PLAC8L1: variants seen among roughly 807,000 people sequenced by gnomAD.
PLAC8L1 encodes the protein PLAC8-like protein 1.
A neutral mutation model predicts 16.3 loss-of-function variants in PLAC8L1; 13 were observed. The ratio of observed to expected loss-of-function variants is 0.80; its 90% CI spans 0.52 to 1.27. PLAC8L1 has a LOEUF of 1.27. Among genes scored for constraint, PLAC8L1 ranks in the 50% most tolerant of loss-of-function variants. The pLI, the probability that PLAC8L1 is intolerant of heterozygous loss-of-function variation, is 0.00. For missense variants in PLAC8L1, 184 were observed against 220.2 expected (o/e 0.84, Z 1.04); for synonymous variants, 78 against 79.3 (o/e 0.98, Z 0.09).
At chr5:146,086,024 CTTTTT>C (rs58130114) in intron 2 of PLAC8L1, among the ~76,000 whole-genome samples, 23 of 90,390 alleles carry the variant, frequency 2.5e-4, no homozygotes, top group African/African-American at 1.1e-3. Flanking sequence ...ATTGAAAGGT[CTTTTT>C]TTTTTTTTTT....
Position 146,104,350 on chromosome 5 carries a change from T to G in PLAC8L1, c.-39A>C. 1 of 1,500,460 alleles carries G rather than the reference T, an allele frequency of 6.7e-7. No individual in the cohort carries two copies. The highest frequency in any genetic ancestry group is 1.7e-4 in the Middle Eastern group (1 of 5,850). 92.9% of individuals were successfully genotyped at this position (1,500,460 alleles called of 1,614,324 possible). Reference sequence around the variant, plus strand: ...TTCTTGTCCTTTGGGCTATCCTTTTTCCCTTTGGCAATAAGCTGGTTTCTA... The same window carrying G: ...TTCTTGTCCTTTGGGCTATCCTTTTGCCCTTTGGCAATAAGCTGGTTTCTA... On this transcript the variant is annotated 5_prime_UTR_variant, in exon 1 of 4. Coordinates refer to ENST00000311450, the MANE Select transcript of PLAC8L1 (RefSeq NM_001029869.3).
chr5:146,101,161 C>A (rs1278093320), intron 1 of PLAC8L1, among the ~76,000 whole-genome samples: 1 of 138,226 alleles, frequency 7.2e-6, no homozygotes, highest in South Asian at 2.2e-4. Flanking sequence ...TGCACCACTG[C>A]ATTCCAGCCT....
In PLAC8L1 at chr5:146,084,363, A is replaced by T; in HGVS notation, c.*69T>A. 2 of 1,541,336 alleles carry T rather than the reference A, an allele frequency of 1.3e-6. No individual in the cohort carries two copies. Among genetic ancestry groups the T allele is most frequent in the Non-Finnish European group, 1.8e-6 (2 of 1,134,122 alleles). ...ACCATTTCAGTAAAAACTTAGGAAA[A>T]AGCAATTGTTCCACTGAGAGGTTTG... On this transcript the variant is annotated 3_prime_UTR_variant, in exon 4 of 4. Coordinates refer to ENST00000311450, the MANE Select transcript of PLAC8L1 (RefSeq NM_001029869.3).
chr5:146,104,371 T>C lies in PLAC8L1; in HGVS notation c.-60A>G, dbSNP rs1763875408. The C allele has an allele frequency of 7.4e-7, 1 of 1,349,216 alleles. No individual in the cohort carries two copies. Among genetic ancestry groups the C allele is most frequent in the Non-Finnish European group, 1.1e-6 (1 of 942,422 alleles). 83.6% of individuals were successfully genotyped at this position (1,349,216 alleles called of 1,614,324 possible). On this transcript the variant is annotated 5_prime_UTR_variant, in exon 1 of 4. Transcript: ENST00000311450. ...TTTTTCCCTTTGGCAATAAGCTGGT[T>C]TCTAAACTTCGGATTAGTCCAAAGT...
intron 2 of PLAC8L1, among the ~76,000 whole-genome samples, chr5:146,093,437 G>C (rs1763655945): frequency 6.6e-6 from 1 of 152,204 alleles, no homozygotes; most frequent in Non-Finnish European, 1.5e-5. Context: ...GAAGTGCTCA[G>C]AAAGTCGAGG....
intron 2 of PLAC8L1, among the ~76,000 whole-genome samples, chr5:146,090,106 AT>A (rs1763587177): frequency 6.6e-6 from 1 of 152,202 alleles, no homozygotes; most frequent in Non-Finnish European, 1.5e-5. Flanking sequence ...GCAGTGGGAT[AT>A]GGAAACACTG....
At chr5:146,091,901 T>G (rs576101235) in intron 2 of PLAC8L1, among the ~76,000 whole-genome samples, 48 of 152,156 alleles carry the variant, frequency 3.2e-4, no homozygotes, top group African/African-American at 1.1e-3. Context: ...GAAAAAAAAT[T>G]TTGTCTTTTT....
chr5:146,091,366 C>G (rs1394375830), intron 2 of PLAC8L1, among the ~76,000 whole-genome samples: 2 of 152,120 alleles, frequency 1.3e-5, no homozygotes, highest in African/African-American at 4.8e-5. Flanking sequence ...TATAACTATA[C>G]ATACTGTGGA....
rs528526210 is a variant in PLAC8L1 at position 146,098,133 on chromosome 5, T to G, written c.256+23A>C. On this transcript the variant is annotated intron_variant, in intron 2 of 3. Transcript: ENST00000311450. Reference sequence around the variant, plus strand: ...GGAAAAGAAAATAGTAAGGAGGAACTTAAATAAGGAGGAAAAACTTACAAA... The same window carrying G: ...GGAAAAGAAAATAGTAAGGAGGAACGTAAATAAGGAGGAAAAACTTACAAA... The G allele has an allele frequency of 1.7e-5, 27 of 1,599,564 alleles. No homozygotes were observed. The South Asian group carries it at 2.9e-4, about 17-fold the overall frequency.
chr5:146,100,627 T>TTA (rs1763798349), intron 1 of PLAC8L1, among the ~76,000 whole-genome samples: 1 of 151,986 alleles, frequency 6.6e-6, no homozygotes, highest in Admixed American at 6.6e-5. Flanking sequence ...CATAAATGAG[T>TTA]TATTCATAGT....
intron 1 of PLAC8L1, among the ~76,000 whole-genome samples, chr5:146,102,255 C>T (rs143354098): frequency 4.0e-5 from 6 of 151,866 alleles, no homozygotes; most frequent in Non-Finnish European, 2.9e-5. Context: ...ATAGGGGTCT[C>T]GCTTTATTGC....
intron 2 of PLAC8L1, among the ~76,000 whole-genome samples, chr5:146,096,061 G>C (rs181318444): frequency 6.6e-6 from 1 of 152,304 alleles, no homozygotes; most frequent in Non-Finnish European, 1.5e-5. Flanking sequence ...GAATTCTGGA[G>C]GTTAGAGGTG....
rs12187913 is a variant in PLAC8L1 at position 146,104,281 on chromosome 5, A to T, written c.31T>A (p.Cys11Ser). The T allele has an allele frequency of 0.27, 442,102 of 1,611,712 alleles. 64,747 individuals are homozygous for T. Among genetic ancestry groups the T allele is most frequent in the Admixed American group, 0.42 (24,979 of 59,976 alleles). ...TTGAGTAAGGAAAGATCCTCAGGAC[A>T]CCTGAAGAAGTTACTTCCAAACCAA... MNWFGSNFFR[C>S]PEDLSLLNIY... The change falls in exon 1 of 4, where the codon TGT becomes AGT. Residue 11 changes from cysteine to serine, a missense_variant. Physicochemically the swap from Cys to Ser is moderately radical, Grantham distance 112. Transcript: ENST00000311450.
rs1189682335 is a variant in PLAC8L1 at position 146,084,444 on chromosome 5, G to A, written c.522C>T (p.Asp174=). The A allele has an allele frequency of 1.2e-6, 2 of 1,614,104 alleles. No individual in the cohort carries two copies. The highest frequency in any genetic ancestry group is 1.1e-5 in the South Asian group (1 of 91,066). Residue 174 remains aspartate, a synonymous_variant, in exon 4 of 4, where the codon GAC becomes GAT. Coordinates refer to ENST00000311450, the MANE Select transcript of PLAC8L1 (RefSeq NM_001029869.3). ...YEICAVPMTK[D]TLV is the part of the protein sequence containing the mutation. ...AGTTATCTTGCTGTCAAACCAGGGT[G>A]TCCTTAGTCATTGGGACTGCACAGA...
intron 2 of PLAC8L1, among the ~76,000 whole-genome samples, chr5:146,097,605 C>G (rs1763739842): frequency 6.6e-6 from 1 of 152,176 alleles, no homozygotes; most frequent in Non-Finnish European, 1.5e-5. Context: ...ATCTTTTCAT[C>G]TCATTAAATA....
At position 146,104,792 on chromosome 5, in the gene PLAC8L1, G is replaced by A. The variant is rs1763884922; in HGVS notation, c.-481C>T. ...AACCCAAAAGCAGGAGCAAAAAAAA[G>A]TCTTTCAGCGCAGGTATTGTATTTG... On this transcript the variant is annotated 5_prime_UTR_variant, in exon 1 of 4. Coordinates refer to ENST00000311450, the MANE Select transcript of PLAC8L1 (RefSeq NM_001029869.3). 6.4e-6 allele frequency: 1 copy of A among 155,566 alleles called. No homozygotes were observed. Among genetic ancestry groups the A allele is most frequent in the Non-Finnish European group, 1.4e-5 (1 of 70,674 alleles). The allele number at this position is 155,566 out of a possible 1,614,324, so 9.6% of individuals were successfully genotyped here.
At chr5:146,084,968 C>G (rs1489628348) in intron 3 of PLAC8L1, among the ~76,000 whole-genome samples, 3 of 152,254 alleles carry the variant, frequency 2.0e-5, no homozygotes, top group African/African-American at 7.2e-5. Context: ...CAGCTGTCCC[C>G]AGCCATCCAG....
chr5:146,098,539 CCA>C (rs1243585415), intron 1 of PLAC8L1, among the ~76,000 whole-genome samples: 2 of 152,130 alleles, frequency 1.3e-5, no homozygotes, highest in African/African-American at 4.8e-5. Context: ...AGCTCAATGT[CCA>C]GTCTACTTCC....
chr5:146,090,566 A>G (rs1232525421), intron 2 of PLAC8L1, among the ~76,000 whole-genome samples: 3 of 151,120 alleles, frequency 2.0e-5, no homozygotes, highest in Non-Finnish European at 4.4e-5. Context: ...AAACAAAACA[A>G]AACAAAACTC....
Sources: allele counts gnomAD v4.1 joint callset (sites outside exome capture counted in the v4.1 genomes callset), GRCh38; gene constraint gnomAD v4.1.1; transcripts MANE v1.5; gene names NCBI Gene and HGNC (gene_info 2026-07-23, HGNC 2026-07-21).